LRRC37A2: variants seen among roughly 807,000 people sequenced by gnomAD.
The protein encoded by LRRC37A2 is leucine-rich repeat-containing protein 37A2.
In LRRC37A2, 9 loss-of-function variants were observed where a neutral mutation model predicts 68.8. The ratio of observed to expected loss-of-function variants is 0.13; its 90% CI spans 0.08 to 0.23. The LOEUF is 0.23. Among genes scored for constraint, LRRC37A2 ranks in the 10% least tolerant of loss-of-function variants. LRRC37A2 has a pLI of 1.00. For missense variants in LRRC37A2, 168 were observed against 950.4 expected, an observed-to-expected ratio of 0.18 and a Z score of 10.82; for synonymous variants, 63 against 367.6, an observed-to-expected ratio of 0.17 and a Z score of 9.48.
the LRRC37A2 span, among the ~76,000 whole-genome samples, chr17:46,975,009 T>C: frequency 5.7e-5 from 5 of 87,652 alleles, no homozygotes; most frequent in Admixed American, 5.6e-4. Flanking sequence ...TTTTTTTTTT[T>C]TTTTATGTCC....
chr17:46,585,329 AAAAAG>A, the LRRC37A2 span, among the ~76,000 whole-genome samples: 25 of 89,274 alleles, frequency 2.8e-4, no homozygotes, highest in Non-Finnish European at 5.8e-4. Context: ...AAAAAAAAAA[AAAAAG>A]AGAGAGAGAG....
chr17:46,966,905 C>CATGAA, the LRRC37A2 span: 1 of 395,588 alleles, frequency 2.5e-6, no homozygotes, highest in Non-Finnish European at 4.5e-6. Flanking sequence ...AAAGGGAAAT[C>CATGAA]ATTTTCATGA....
chr17:46,990,625 C>T, the LRRC37A2 span, among the ~76,000 whole-genome samples: 2 of 152,038 alleles, frequency 1.3e-5, no homozygotes, highest in African/African-American at 2.4e-5. Flanking sequence ...ATTAGAAACA[C>T]GTTTATTTCT....
At chr17:46,942,270 T>C in the LRRC37A2 span, among the ~76,000 whole-genome samples, 1 of 152,220 alleles carries the variant, frequency 6.6e-6, no homozygotes, top group Non-Finnish European at 1.5e-5. Flanking sequence ...AGGGAAAGCC[T>C]AGGCCCTTCA....
the LRRC37A2 span, among the ~76,000 whole-genome samples, chr17:46,862,174 A>G: frequency 6.6e-6 from 1 of 150,946 alleles, no homozygotes; most frequent in Non-Finnish European, 1.5e-5. Flanking sequence ...AAAAAAAAAA[A>G]AAAAAGAAAA....
chr17:46,932,461 G>A, the LRRC37A2 span: 1 of 597,908 alleles, frequency 1.7e-6, no homozygotes, highest in Non-Finnish European at 3.0e-6. Context: ...GGTTGGGCTG[G>A]TCTGAGACAG....
chr17:46,716,471 A>G, the LRRC37A2 span, among the ~76,000 whole-genome samples: 8 of 152,152 alleles, frequency 5.3e-5, no homozygotes, highest in South Asian at 1.7e-3. Flanking sequence ...GTTAGCCAGG[A>G]TGGTCTTGAT....
At chr17:46,876,580 CA>C in the LRRC37A2 span, 1 of 1,613,622 alleles carries the variant, frequency 6.2e-7, no homozygotes, top group Non-Finnish European at 8.5e-7. Flanking sequence ...CCAGCTGCAG[CA>C]GCCTGTGCTG....
the LRRC37A2 span, among the ~76,000 whole-genome samples, chr17:46,802,174 C>A: frequency 6.6e-6 from 1 of 152,188 alleles, no homozygotes; most frequent in Non-Finnish European, 1.5e-5. Flanking sequence ...TGCTAATGAG[C>A]TGACGGAAGA....
At chr17:47,043,012 T>A in the LRRC37A2 span, among the ~76,000 whole-genome samples, 1 of 150,654 alleles carries the variant, frequency 6.6e-6, no homozygotes, top group Non-Finnish European at 1.5e-5. Context: ...AGGGCAATAA[T>A]AATATCTACC....
chr17:46,824,201 T>A, the LRRC37A2 span, among the ~76,000 whole-genome samples: 2 of 152,204 alleles, frequency 1.3e-5, no homozygotes, highest in Non-Finnish European at 2.9e-5. Context: ...TTATTCAGCT[T>A]TATTTTCCAG....
At chr17:46,999,434 G>C in the LRRC37A2 span, among the ~76,000 whole-genome samples, 6 of 152,148 alleles carry the variant, frequency 3.9e-5, no homozygotes, top group African/African-American at 9.7e-5. Context: ...CTGCAGCCTT[G>C]AACTCCCAGG....
At chr17:46,843,581 G>T in the LRRC37A2 span, among the ~76,000 whole-genome samples, 1 of 152,110 alleles carries the variant, frequency 6.6e-6, no homozygotes, top group Non-Finnish European at 1.5e-5. Flanking sequence ...TCTCTTTACT[G>T]CTGCACAGTC....
At chr17:46,998,799 G>A in the LRRC37A2 span, 1 of 152,200 alleles carries the variant, frequency 6.6e-6, no homozygotes, top group Non-Finnish European at 1.5e-5. Flanking sequence ...AGTTGAGTTG[G>A]GCTGCGTGTG....
chr17:46,499,335 A>AGT, the LRRC37A2 span, among the ~76,000 whole-genome samples: 9 of 89,176 alleles, frequency 1.0e-4, 1 homozygote, highest in African/African-American at 2.8e-4. Flanking sequence ...AAAAAAAAAA[A>AGT]GGTGGGGGGA....
chr17:46,940,419 G>C, the LRRC37A2 span: 1 of 1,596,358 alleles, frequency 6.3e-7, no homozygotes. Context: ...ACCTAGATCT[G>C]TCTAACTCTG....
At chr17:46,716,000 A>G in the LRRC37A2 span, among the ~76,000 whole-genome samples, 1 of 152,146 alleles carries the variant, frequency 6.6e-6, no homozygotes, top group Non-Finnish European at 1.5e-5. Context: ...TCCTTGGGGG[A>G]AAAATATTAT....
chr17:46,991,071 C>T, the LRRC37A2 span, among the ~76,000 whole-genome samples: 5,015 of 152,188 alleles, frequency 0.033, 123 homozygotes, highest in Non-Finnish European at 0.042. Context: ...CTGGTGGAAC[C>T]GTGGGGTTCT....
chr17:46,806,291 A>T, the LRRC37A2 span, among the ~76,000 whole-genome samples: 1 of 142,562 alleles, frequency 7.0e-6, no homozygotes, highest in Non-Finnish European at 1.5e-5. Context: ...AGCTCACCGC[A>T]ACTTCAGCCC....
Sources: gnomAD v4.1 joint callset for allele counts (sites outside exome capture counted in the v4.1 genomes callset) on GRCh38, gnomAD v4.1.1 for gene constraint, MANE v1.5 for transcripts, NCBI Gene and HGNC (gene_info 2026-07-23, HGNC 2026-07-21) for gene names.